The following NXPE2 variants were observed in gnomAD, a reference collection of about 807,000 sequenced individuals.
NXPE2 encodes NXPE family member 2.
Under a neutral mutation model 34.4 loss-of-function variants are expected in NXPE2, and 34 were observed. That is an observed-to-expected ratio of 0.99 (90% CI 0.75 to 1.31). NXPE2 has a LOEUF of 1.31. Among genes scored for constraint, NXPE2 ranks in the 40% most tolerant of loss-of-function variants. The probability of loss-of-function intolerance (pLI) is 0.00; values close to 1 mark genes in which losing one functional copy is unlikely to be tolerated. For synonymous variants in NXPE2, 235 were observed against 231.3 expected, an observed-to-expected ratio of 1.02 and a Z score of -0.15; for missense variants, 649 against 672.5, an observed-to-expected ratio of 0.97 and a Z score of 0.39.
chr11:114,672,574 A>T, the NXPE2 span, among the ~76,000 whole-genome samples: 1 of 151,998 alleles, frequency 6.6e-6, no homozygotes, highest in Non-Finnish European at 1.5e-5. Context: ...TACTGCCTAC[A>T]AGACACATAC....
chr11:114,690,923 C>T (rs1324207113), intron 2 of NXPE2, among the ~76,000 whole-genome samples: 1 of 151,758 alleles, frequency 6.6e-6, no homozygotes, highest in Non-Finnish European at 1.5e-5. Flanking sequence ...TTTTTAATTC[C>T]AGAAGTTCTT....
At chr11:114,607,561 G>T in the NXPE2 span, among the ~76,000 whole-genome samples, 2 of 152,048 alleles carry the variant, frequency 1.3e-5, no homozygotes, top group African/African-American at 2.4e-5. Context: ...ATTGCCTCGT[G>T]GGTAACCACA....
chr11:114,796,364 A>G, the NXPE2 span, among the ~76,000 whole-genome samples: 1 of 152,148 alleles, frequency 6.6e-6, no homozygotes, highest in Non-Finnish European at 1.5e-5. Context: ...AATTTCAAAT[A>G]TCCATGGGAG....
chr11:114,604,318 G>A, the NXPE2 span, among the ~76,000 whole-genome samples: 1 of 151,998 alleles, frequency 6.6e-6, no homozygotes, highest in Non-Finnish European at 1.5e-5. Flanking sequence ...TTACCCTGTG[G>A]AAAATAAGTG....
At chr11:114,489,666 G>T in the NXPE2 span, among the ~76,000 whole-genome samples, 3 of 152,338 alleles carry the variant, frequency 2.0e-5, no homozygotes, top group East Asian at 3.9e-4. Flanking sequence ...AACGCTTCAT[G>T]CTAGAAACTC....
At chr11:114,580,453 TG>T in the NXPE2 span, 24,022 of 793,250 alleles carry the variant, frequency 0.03, 489 homozygotes, top group Middle Eastern at 0.065. Context: ...GTGGTAATGG[TG>T]GAAAAAGTAT....
At chr11:114,601,739 AAT>A in the NXPE2 span, among the ~76,000 whole-genome samples, 1 of 71,364 alleles carries the variant, frequency 1.4e-5, no homozygotes, top group Non-Finnish European at 2.4e-5. Context: ...TATTATATAT[AAT>A]TATAATATAT....
chr11:114,728,113 CTCTT>C, the NXPE2 span, among the ~76,000 whole-genome samples: 6 of 152,172 alleles, frequency 3.9e-5, no homozygotes, highest in Admixed American at 3.9e-4. Context: ...CCTCAAATCT[CTCTT>C]TGATTATTTG....
At chr11:114,565,618 A>G in the NXPE2 span, among the ~76,000 whole-genome samples, 7 of 152,148 alleles carry the variant, frequency 4.6e-5, no homozygotes, top group Admixed American at 3.9e-4. Flanking sequence ...AGTAATAGGG[A>G]GTTGGAGTGA....
At chr11:114,722,016 AGAG>A in the NXPE2 span, among the ~76,000 whole-genome samples, 8 of 152,236 alleles carry the variant, frequency 5.3e-5, no homozygotes, top group Non-Finnish European at 7.3e-5. Context: ...GAGTTTAAAA[AGAG>A]GAGGCAGTAA....
chr11:114,572,555 A>G, the NXPE2 span, among the ~76,000 whole-genome samples: 12 of 152,238 alleles, frequency 7.9e-5, no homozygotes, highest in African/African-American at 2.7e-4. Flanking sequence ...GGATACACTT[A>G]GAGAAATGCA....
At chr11:114,802,816 T>C in the NXPE2 span, among the ~76,000 whole-genome samples, 1 of 152,092 alleles carries the variant, frequency 6.6e-6, no homozygotes, top group Non-Finnish European at 1.5e-5. Flanking sequence ...TTTAAATAAA[T>C]ACACTTTTGC....
At chr11:114,696,355 A>G (rs201588381) in intron 2 of NXPE2, among the ~76,000 whole-genome samples, 1 of 146,884 alleles carries the variant, frequency 6.8e-6, no homozygotes, top group Non-Finnish European at 1.5e-5. Context: ...AAAAAAAAAA[A>G]AAAAGAAAGA....
the NXPE2 span, among the ~76,000 whole-genome samples, chr11:114,755,912 A>G: frequency 6.6e-6 from 1 of 152,198 alleles, no homozygotes; most frequent in African/African-American, 2.4e-5. Context: ...ATGACAAGGT[A>G]TCCTTCTCTA....
the NXPE2 span, among the ~76,000 whole-genome samples, chr11:114,556,718 T>C: frequency 6.6e-6 from 1 of 152,094 alleles, no homozygotes; most frequent in African/African-American, 2.4e-5. Context: ...CAGAGTTTAA[T>C]ACTGTTCTAT....
chr11:114,622,747 CA>C, the NXPE2 span, among the ~76,000 whole-genome samples: 1 of 150,424 alleles, frequency 6.6e-6, no homozygotes, highest in Admixed American at 6.6e-5. Flanking sequence ...CACTGTTACC[CA>C]GCGGATAAGT....
At chr11:114,706,304 A>G (rs1951471420) in intron 5 of NXPE2, 91 bp from the exon 6 acceptor site, 3 of 1,120,430 alleles carry the variant, frequency 2.7e-6, no homozygotes, top group South Asian at 1.7e-5. Flanking sequence ...GTTAGAAGTG[A>G]TCTTGGTTAG....
downstream of NXPE2, among the ~76,000 whole-genome samples, chr11:114,709,694 A>T (rs913721339): frequency 7.9e-5 from 12 of 152,188 alleles, 1 homozygote; most frequent in Non-Finnish European, 2.9e-5. Flanking sequence ...TCATGAGGTC[A>T]GGAGTTTGAG....
At chr11:114,709,465 T>C (rs1046123471), downstream of NXPE2, among the ~76,000 whole-genome samples, 2 of 152,262 alleles carry the variant, frequency 1.3e-5, no homozygotes, top group Non-Finnish European at 2.9e-5. Context: ...CTTAAGGTGA[T>C]AGCTTCAGGT....
Sources: gnomAD v4.1 joint callset for allele counts (sites outside exome capture counted in the v4.1 genomes callset) on GRCh38, gnomAD v4.1.1 for gene constraint, MANE v1.5 for transcripts, NCBI Gene and HGNC (gene_info 2026-07-23, HGNC 2026-07-21) for gene names.